Variants in PECR observed in about 807,000 individuals in gnomAD.
PECR encodes peroxisomal trans-2-enoyl-CoA reductase.
Under a neutral mutation model 35.3 loss-of-function variants are expected in PECR, and 30 were observed. The observed-to-expected ratio is 0.85, with a 90% CI of 0.64 to 1.15. The LOEUF (loss-of-function observed/expected upper bound fraction) is 1.15. Ranked by LOEUF, PECR falls within the 50% of genes most tolerant of loss-of-function variation. The pLI, the probability that PECR is intolerant of heterozygous loss-of-function variation, is 0.00. For synonymous variants in PECR, 148 were observed against 138.9 expected (o/e 1.07, Z -0.46); for missense variants, 392 against 370.8 (o/e 1.06, Z -0.47).
intron 7 of PECR, among the ~76,000 whole-genome samples, chr2:216,042,377 A>T (rs1017828620): frequency 6.6e-6 from 1 of 152,218 alleles, no homozygotes; most frequent in African/African-American, 2.4e-5. Flanking sequence ...AACGCAAAAA[A>T]GGCCTTAAGC....
chr2:216,066,208 C>T (rs1270334030), intron 2 of PECR, among the ~76,000 whole-genome samples, 177 bp downstream of exon 2: 1 of 152,230 alleles, frequency 6.6e-6, no homozygotes, highest in Non-Finnish European at 1.5e-5. Flanking sequence ...TCCTCTCCTT[C>T]TCCAGGATTC....
At chr2:216,074,493 AAAGGAAGGAAGGAAGGAAGGAAGGAAGG>A (rs751542181) in intron 1 of PECR, among the ~76,000 whole-genome samples, 2 of 133,116 alleles carry the variant, frequency 1.5e-5, no homozygotes, top group East Asian at 2.3e-4. Flanking sequence ...AGAAAGAAAA[AAAGGAAGGAAGGAAGGAAGGAAGGAAGG>A]AAGGAAGGAA....
Position 216,049,243 on chromosome 2 carries a change from A to T in PECR, c.714+20T>A, listed in dbSNP as rs749890802. Reference sequence around the variant, plus strand: ...GTATAACACACAGCAATTCTAATCAATGCTGGAAATATACCTTACCTCCTC... The same window carrying T: ...GTATAACACACAGCAATTCTAATCATTGCTGGAAATATACCTTACCTCCTC... On this transcript the variant is annotated intron_variant, in intron 6 of 7. Coordinates refer to ENST00000265322, the MANE Select transcript of PECR (RefSeq NM_018441.6). 2.8e-5 allele frequency: 32 copies of T among 1,139,986 alleles called. No homozygotes were observed. The highest frequency in any genetic ancestry group is 4.2e-5 in the Non-Finnish European group (31 of 746,852). 70.6% of individuals were successfully genotyped at this position (1,139,986 alleles called of 1,614,324 possible). A position where few individuals can be genotyped will look rare whatever the true frequency, so the allele number is the denominator to read the frequency against.
chr2:216,068,225 C>CAAAAAAAAAAAAAAAAAAAAAAAAAA lies in PECR; in HGVS notation c.125-1708_125-1707insTTTTTTTTTTTTTTTTTTTTTTTTTT, dbSNP rs34646067. Among the ~76,000 whole-genome samples, 3 of 65,010 alleles carry CAAAAAAAAAAAAAAAAAAAAAAAAAA rather than the reference C, an allele frequency of 4.6e-5. 1 individual carries two copies. The highest frequency in any genetic ancestry group is 1.2e-4 in the African/African-American group (2 of 17,202). 42.6% of individuals were successfully genotyped at this position (65,010 alleles called of 152,430 possible). A position where few individuals can be genotyped will look rare whatever the true frequency, so the allele number is the denominator to read the frequency against. On this transcript the variant is annotated intron_variant, in intron 1 of 7. Transcript: ENST00000265322. ...TGAGTGACAGAGCAAGACTCCATAT[C>CAAAAAAAAAAAAAAAAAAAAAAAAAA]AAAAAAAAAAAAAAAAAAAAAAACC...
chr2:216,061,309 C>T (rs10164846), intron 3 of PECR, among the ~76,000 whole-genome samples: 1 of 40,748 alleles, frequency 2.5e-5, no homozygotes, highest in Non-Finnish European at 4.1e-5. Flanking sequence ...GAAACCCTGT[C>T]TCAAAAAAAA....
intron 1 of PECR, among the ~76,000 whole-genome samples, chr2:216,079,426 G>A (rs537798726): frequency 7.0e-4 from 105 of 150,092 alleles, no homozygotes; most frequent in African/African-American, 2.3e-3. Flanking sequence ...GGAGTGCAGC[G>A]GCACGATCTT....
At chr2:216,038,068 G>A (rs1694827117), downstream of PECR, among the ~76,000 whole-genome samples, 1 of 152,100 alleles carries the variant, frequency 6.6e-6, no homozygotes, top group African/African-American at 2.4e-5. Context: ...CTGGGTGACA[G>A]AGTGAGACTC....
At chr2:216,047,479 A>C (rs1695018654) in intron 6 of PECR, among the ~76,000 whole-genome samples, 1 of 152,146 alleles carries the variant, frequency 6.6e-6, no homozygotes, top group African/African-American at 2.4e-5. Context: ...CTAAACGGCC[A>C]AATGCCCCCA....
chr2:216,030,268 C>G (rs542758612), intron 7 of PECR, among the ~76,000 whole-genome samples: 18 of 152,112 alleles, frequency 1.2e-4, no homozygotes, highest in Non-Finnish European at 2.1e-4. Flanking sequence ...CTTCATTGTC[C>G]TTGGTGCTGG....
At chr2:216,035,485 CTTCTT>C (rs1694778795), downstream of PECR, among the ~76,000 whole-genome samples, 1 of 127,806 alleles carries the variant, frequency 7.8e-6, no homozygotes, top group Non-Finnish European at 1.7e-5. Context: ...ATGGAGGGCT[CTTCTT>C]TTTTTTTTTT....
intron 7 of PECR, among the ~76,000 whole-genome samples, chr2:216,030,270 T>G (rs1694660027): frequency 6.6e-6 from 1 of 152,210 alleles, no homozygotes; most frequent in South Asian, 2.1e-4. Flanking sequence ...TCATTGTCCT[T>G]GGTGCTGGTC....
chr2:216,036,625 A>G (rs1694796598), downstream of PECR, among the ~76,000 whole-genome samples: 1 of 152,240 alleles, frequency 6.6e-6, no homozygotes, highest in East Asian at 1.9e-4. Flanking sequence ...GCCTGTCTTA[A>G]GAAAGCATCA....
intron 6 of PECR, among the ~76,000 whole-genome samples, chr2:216,046,124 GTTTC>G: frequency 6.7e-6 from 1 of 148,446 alleles, no homozygotes; most frequent in East Asian, 2.0e-4. Context: ...AAAAGTTTTT[GTTTC>G]TTTTTTTAAA....
At chr2:216,037,787 A>G (rs1426070378), downstream of PECR, among the ~76,000 whole-genome samples, 4 of 152,074 alleles carry the variant, frequency 2.6e-5, no homozygotes, top group African/African-American at 9.7e-5. Context: ...ACACTTTAAA[A>G]TGAGGGTAAA....
chr2:216,062,938 T>C (rs1191036738), intron 3 of PECR, among the ~76,000 whole-genome samples: 1 of 152,230 alleles, frequency 6.6e-6, no homozygotes, highest in Admixed American at 6.5e-5. Flanking sequence ...CTATACCATC[T>C]AGGTTTGTGT....
intron 1 of PECR, among the ~76,000 whole-genome samples, chr2:216,069,942 A>C (rs1001169250): frequency 1.3e-5 from 2 of 152,006 alleles, no homozygotes; most frequent in African/African-American, 4.8e-5. Flanking sequence ...GTCAAAAAAA[A>C]AAAAAAAAAA....
chr2:216,029,799 A>G (rs1694652253), intron 7 of PECR, among the ~76,000 whole-genome samples: 1 of 152,244 alleles, frequency 6.6e-6, no homozygotes, highest in South Asian at 2.1e-4. Context: ...TTTGTTTTTG[A>G]CAGGGATTCA....
Position 216,081,661 on chromosome 2 carries a change from G to C in PECR, c.81C>G (p.Ala27=), listed in dbSNP as rs1350022983. ...TCACGATGGCTTTTCCGATGCCCGT[G>C]GCCCCGCCGGTGACGATGGCCACTT... ...QGQVAIVTGG[A]TGIGKAIVKE... is the part of the protein sequence containing the mutation. Residue 27 remains alanine, a synonymous_variant, in exon 1 of 8, where the codon GCC becomes GCG. Transcript: ENST00000265322. 3.7e-6 allele frequency: 6 copies of C among 1,612,386 alleles called. No homozygotes were observed. Among genetic ancestry groups the C allele is most frequent in the Non-Finnish European group, 5.1e-6 (6 of 1,179,256 alleles).
intron 2 of PECR, 85 bp downstream of exon 2, chr2:216,066,300 G>C: frequency 1.8e-6 from 2 of 1,120,222 alleles, no homozygotes; most frequent in Non-Finnish European, 2.7e-6. Flanking sequence ...AGCTACAATA[G>C]GAGAACCTGA....
Sources: gnomAD v4.1 joint callset for allele counts (sites outside exome capture counted in the v4.1 genomes callset) on GRCh38, gnomAD v4.1.1 for gene constraint, MANE v1.5 for transcripts, NCBI Gene and HGNC (gene_info 2026-07-23, HGNC 2026-07-21) for gene names.